The following CTNNA3 variants were observed in gnomAD, a reference collection of about 807,000 sequenced individuals.
CTNNA3 encodes the protein catenin alpha 3.
Under a neutral mutation model 95.7 loss-of-function variants are expected in CTNNA3, and 76 were observed. That is an observed-to-expected ratio of 0.79 (90% confidence interval 0.66 to 0.96). The LOEUF is 0.96. CTNNA3 is among the 40% of genes least tolerant of loss of function. The pLI, the probability that CTNNA3 is intolerant of heterozygous loss-of-function variation, is 0.00. For synonymous variants in CTNNA3, 431 were observed against 374.4 expected (o/e 1.15, Z -1.74); for missense variants, 1,191 against 1,089.8 (o/e 1.09, Z -1.31).
At chr10:66,250,351 G>C (rs2090499395) in intron 13 of CTNNA3, among the ~76,000 whole-genome samples, 1 of 152,108 alleles carries the variant, frequency 6.6e-6, no homozygotes, top group Non-Finnish European at 1.5e-5. Context: ...ATAAGACCTA[G>C]TATTTGATAG....
intron 9 of CTNNA3, among the ~76,000 whole-genome samples, chr10:66,751,354 C>T (rs577733358): frequency 2.0e-5 from 3 of 152,112 alleles, no homozygotes; most frequent in Non-Finnish European, 4.4e-5. Context: ...TATTCTGCAA[C>T]CTTTCTACAA....
In CTNNA3 at chr10:66,278,932, GCAA is replaced by G. The variant is rs972767719; in HGVS notation, c.1884+1535_1884+1537del. On this transcript the variant is annotated intron_variant, in intron 13 of 17. Coordinates refer to ENST00000433211, the MANE Select transcript of CTNNA3 (RefSeq NM_013266.4). ...CACAGAGGTAAGGCCTAAAAATTTT[GCAA>G]CAAGAAAATTGGTAAAGTTTCTTGC... Among the ~76,000 whole-genome samples the G allele has an allele frequency of 1.0e-3, 158 of 152,046 alleles. 1 individual carries two copies. Among genetic ancestry groups the G allele is most frequent in the African/African-American group, 3.6e-3 (149 of 41,494 alleles).
At chr10:67,335,049 C>T (rs1453798083) in intron 5 of CTNNA3, among the ~76,000 whole-genome samples, 1 of 152,126 alleles carries the variant, frequency 6.6e-6, no homozygotes, top group African/African-American at 2.4e-5. Context: ...CATATACACA[C>T]ACACATTGAT....
intron 1 of CTNNA3, among the ~76,000 whole-genome samples, chr10:67,720,128 G>GTTTTTTTTTTTTT (rs1564839853): frequency 3.8e-4 from 1 of 2,660 alleles, no homozygotes; most frequent in Non-Finnish European, 1.2e-3. Flanking sequence ...TGCAACCCCT[G>GTTTTTTTTTTTTT]CTTTTTTTTT....
At chr10:67,299,359 G>A (rs906359806) in intron 5 of CTNNA3, among the ~76,000 whole-genome samples, 40 of 152,114 alleles carry the variant, frequency 2.6e-4, no homozygotes, top group Middle Eastern at 3.4e-3. Context: ...TATATATTCT[G>A]AGACTAAGAA....
chr10:67,288,052 T>A (rs776585277), intron 5 of CTNNA3, among the ~76,000 whole-genome samples: 25 of 152,184 alleles, frequency 1.6e-4, no homozygotes, highest in Non-Finnish European at 3.5e-4. Flanking sequence ...AACCCATCAA[T>A]GTGAAGATCA....
At chr10:66,037,047 T>A (rs1175846664) in intron 15 of CTNNA3, among the ~76,000 whole-genome samples, 2 of 151,898 alleles carry the variant, frequency 1.3e-5, no homozygotes, top group East Asian at 3.9e-4. Context: ...TAATTTTTTG[T>A]GTATTTAGTA....
intron 7 of CTNNA3, among the ~76,000 whole-genome samples, chr10:67,022,733 C>T (rs964393673): frequency 2.0e-5 from 3 of 151,884 alleles, no homozygotes; most frequent in South Asian, 2.1e-4. Context: ...GTCAGGAGAT[C>T]GAGACCATCC....
At chr10:67,557,013 C>T (rs918920048) in intron 3 of CTNNA3, among the ~76,000 whole-genome samples, 1 of 152,098 alleles carries the variant, frequency 6.6e-6, no homozygotes, top group Non-Finnish European at 1.5e-5. Flanking sequence ...TTGTTATGTA[C>T]CCAGTAGTCA....
At chr10:67,544,700 G>A (rs1295493122) in intron 3 of CTNNA3, among the ~76,000 whole-genome samples, 1 of 152,120 alleles carries the variant, frequency 6.6e-6, no homozygotes, top group Non-Finnish European at 1.5e-5. Context: ...ACACAGGACT[G>A]GGAATAATGC....
At chr10:67,045,881 A>G (rs538217142) in intron 7 of CTNNA3, among the ~76,000 whole-genome samples, 12 of 152,320 alleles carry the variant, frequency 7.9e-5, no homozygotes, top group Admixed American at 5.9e-4. Flanking sequence ...TGGTCCCCCA[A>G]ATAATAAGCT....
intron 7 of CTNNA3, among the ~76,000 whole-genome samples, chr10:67,143,809 C>T (rs1355874872): frequency 6.6e-6 from 1 of 152,156 alleles, no homozygotes; most frequent in Non-Finnish European, 1.5e-5. Flanking sequence ...CAAAGTAACT[C>T]ATGAGGGTTG....
chr10:66,491,362 T>G (rs10997183), intron 11 of CTNNA3, among the ~76,000 whole-genome samples: 9,917 of 152,214 alleles, frequency 0.065, 689 homozygotes, highest in African/African-American at 0.18. Flanking sequence ...CATTTCTTGT[T>G]CTCCAGAACC....
intron 13 of CTNNA3, among the ~76,000 whole-genome samples, chr10:66,231,781 G>A (rs1321804905): frequency 2.0e-5 from 3 of 152,178 alleles, no homozygotes; most frequent in Non-Finnish European, 2.9e-5. Flanking sequence ...CCACAGACAT[G>A]TGTATGCTTT....
chr10:65,949,169 G>A (rs373100736), intron 17 of CTNNA3, among the ~76,000 whole-genome samples: 16 of 151,992 alleles, frequency 1.1e-4, no homozygotes, highest in Admixed American at 3.3e-4. Flanking sequence ...TCATCTCTGC[G>A]GTGTTGTTTC....
rs181386485 is a variant in CTNNA3 at position 66,443,669 on chromosome 10, T to C, written c.1532-64317A>G. 3.8e-3 allele frequency among the ~76,000 whole-genome samples: 575 copies of C among 151,932 alleles called. 2 individuals carry two copies. The highest frequency in any genetic ancestry group is 0.015 in the South Asian group (71 of 4,800). On this transcript the variant is annotated intron_variant, in intron 11 of 17. Coordinates refer to ENST00000433211, the MANE Select transcript of CTNNA3 (RefSeq NM_013266.4). ...AAAGGACATCCACACCAAAAACCCA[T>C]CTGTACGTTGCCATCATCAAAGACC... is the stretch of plus-strand genomic sequence containing the variant.
At chr10:66,748,811 C>T (rs951687062) in intron 9 of CTNNA3, among the ~76,000 whole-genome samples, 14 of 152,086 alleles carry the variant, frequency 9.2e-5, no homozygotes, top group Admixed American at 4.6e-4. Context: ...TGCACCACAG[C>T]GGTGCATTTG....
intron 2 of CTNNA3, among the ~76,000 whole-genome samples, chr10:67,614,515 G>C (rs1843584902): frequency 6.6e-6 from 1 of 152,176 alleles, no homozygotes; most frequent in Non-Finnish European, 1.5e-5. Context: ...TAAGGAGTAG[G>C]CAACCTACGT....
At chr10:66,465,465 A>C (rs1838873180) in intron 11 of CTNNA3, among the ~76,000 whole-genome samples, 1 of 152,180 alleles carries the variant, frequency 6.6e-6, no homozygotes, top group Admixed American at 6.6e-5. Context: ...CACATTAGAA[A>C]GTCCCATTAG....
Sources: allele counts gnomAD v4.1 joint callset (sites outside exome capture counted in the v4.1 genomes callset), GRCh38; gene constraint gnomAD v4.1.1; transcripts MANE v1.5; gene names NCBI Gene and HGNC (gene_info 2026-07-23, HGNC 2026-07-21).